The following TTBK2 variants were observed in gnomAD, a reference collection of about 807,000 sequenced individuals.
TTBK2 encodes the protein tau-tubulin kinase 2.
Under a neutral mutation model 110.8 loss-of-function variants are expected in TTBK2, and 28 were observed. That is an observed-to-expected ratio of 0.25 (90% CI 0.19 to 0.35). TTBK2 has a LOEUF of 0.35. Among genes scored for constraint, TTBK2 ranks in the 10% least tolerant of loss-of-function variants. The pLI is 1.00. For synonymous variants in TTBK2, 532 were observed against 527.3 expected, an observed-to-expected ratio of 1.01 and a Z score of -0.12; for missense variants, 1,369 against 1,500.3, an observed-to-expected ratio of 0.91 and a Z score of 1.45.
rs112227557 is a variant in TTBK2 at position 42,869,901 on chromosome 15, G to T, written c.217+2710C>A. 6.8e-4 allele frequency among the ~76,000 whole-genome samples: 103 copies of T among 152,292 alleles called. 1 individual carries two copies. Among genetic ancestry groups the T allele is most frequent in the Non-Finnish European group, 1.3e-3 (89 of 68,022 alleles). Reference sequence around the variant, plus strand: ...AGTAAAATTCAAGAGTCTTGGCCAGGTGTAGTGGCTCACACCTGTAATCCC... The same window carrying T: ...AGTAAAATTCAAGAGTCTTGGCCAGTTGTAGTGGCTCACACCTGTAATCCC... On this transcript the variant is annotated intron_variant, in intron 3 of 14. Coordinates refer to ENST00000267890, the MANE Select transcript of TTBK2 (RefSeq NM_173500.4).
At chr15:42,791,496 T>C (rs1595913700) in intron 10 of TTBK2, among the ~76,000 whole-genome samples, 1 of 90,816 alleles carries the variant, frequency 1.1e-5, no homozygotes, top group African/African-American at 6.6e-5. Flanking sequence ...TCAGGGTTTT[T>C]TCTTTGTCCT....
At chr15:42,861,649 C>A (rs1419836081) in intron 3 of TTBK2, among the ~76,000 whole-genome samples, 1 of 151,024 alleles carries the variant, frequency 6.6e-6, no homozygotes, top group Admixed American at 6.6e-5. Context: ...TCAGAAAGAT[C>A]TAAAATTAAC....
chr15:42,843,799 A>G (rs974935899), intron 3 of TTBK2, among the ~76,000 whole-genome samples: 2 of 151,384 alleles, frequency 1.3e-5, no homozygotes, highest in African/African-American at 4.9e-5. Flanking sequence ...TAACTTCTCA[A>G]TTGCCCCTAC....
At chr15:42,790,137 G>A (rs1028689617) in intron 10 of TTBK2, among the ~76,000 whole-genome samples, 1 of 152,088 alleles carries the variant, frequency 6.6e-6, no homozygotes, top group African/African-American at 2.4e-5. Context: ...AACTAAAAAT[G>A]TATAAAAGAC....
chr15:42,747,693 G>C (rs1333775130), intron 14 of TTBK2, among the ~76,000 whole-genome samples: 1 of 152,184 alleles, frequency 6.6e-6, no homozygotes, highest in African/African-American at 2.4e-5. Flanking sequence ...CTGCTATAAA[G>C]CAGTCTACAA....
intron 13 of TTBK2, among the ~76,000 whole-genome samples, chr15:42,754,867 G>A (rs1366275854): frequency 6.6e-6 from 1 of 150,628 alleles, no homozygotes; most frequent in Non-Finnish European, 1.5e-5. Flanking sequence ...AATAAACTGG[G>A]CGTGGTGGCA....
intron 13 of TTBK2, among the ~76,000 whole-genome samples, chr15:42,763,183 T>TAC (rs1889165799): frequency 4.0e-5 from 1 of 25,140 alleles, no homozygotes; most frequent in Non-Finnish European, 7.0e-5. Context: ...TATATATATA[T>TAC]ATATATATAT....
At chr15:42,893,010 C>CAAA (rs780103161) in intron 1 of TTBK2, among the ~76,000 whole-genome samples, 5 of 57,708 alleles carry the variant, frequency 8.7e-5, no homozygotes, top group South Asian at 6.3e-4. Context: ...GACTCTGTCT[C>CAAA]AAAAAAAAAA....
At chr15:42,866,305 G>GA (rs1894370879) in intron 3 of TTBK2, among the ~76,000 whole-genome samples, 1 of 151,914 alleles carries the variant, frequency 6.6e-6, no homozygotes, top group South Asian at 2.1e-4. Flanking sequence ...AATAATAAAA[G>GA]AAGAGTATTA....
At chr15:42,829,884 A>G in intron 5 of TTBK2, 54 bp downstream of exon 5, 1 of 1,603,780 alleles carries the variant, frequency 6.2e-7, no homozygotes, top group Non-Finnish European at 8.5e-7. Context: ...GTGTCCCATC[A>G]TAACATTAAA....
chr15:42,806,212 C>T (rs759050476), intron 9 of TTBK2, among the ~76,000 whole-genome samples: 1 of 151,784 alleles, frequency 6.6e-6, no homozygotes, highest in South Asian at 2.1e-4. Flanking sequence ...TGCAGTGAGC[C>T]GAGATCACAC....
At chr15:42,755,066 CT>C (rs1283221531) in intron 13 of TTBK2, among the ~76,000 whole-genome samples, 1 of 151,186 alleles carries the variant, frequency 6.6e-6, no homozygotes, top group Non-Finnish European at 1.5e-5. Flanking sequence ...ATCTACCCCC[CT>C]TCCACTGAGG....
intron 10 of TTBK2, among the ~76,000 whole-genome samples, chr15:42,790,083 G>C (rs1005025062): frequency 6.6e-6 from 1 of 151,990 alleles, no homozygotes; most frequent in Non-Finnish European, 1.5e-5. Flanking sequence ...GGATTTCCAC[G>C]TGCAAAGGAA....
chr15:42,889,432 T>TA (rs1895367757), intron 1 of TTBK2, among the ~76,000 whole-genome samples: 1 of 152,180 alleles, frequency 6.6e-6, no homozygotes, highest in Middle Eastern at 3.2e-3. Context: ...AACCGGCCTT[T>TA]ATTAGTCAAA....
chr15:42,748,007 G>A (rs752507011), intron 14 of TTBK2, among the ~76,000 whole-genome samples: 1 of 152,264 alleles, frequency 6.6e-6, no homozygotes, highest in Non-Finnish European at 1.5e-5. Flanking sequence ...TAGGGTTGAA[G>A]GACCTTCCTA....
intron 3 of TTBK2, among the ~76,000 whole-genome samples, chr15:42,865,552 C>A (rs990595477): frequency 6.7e-6 from 1 of 149,448 alleles, no homozygotes; most frequent in East Asian, 1.9e-4. Context: ...TGGGCACAGT[C>A]GTGCACACCC....
At chr15:42,768,849 G>C (rs1203444518) in intron 13 of TTBK2, among the ~76,000 whole-genome samples, 2 of 152,134 alleles carry the variant, frequency 1.3e-5, no homozygotes, top group Admixed American at 1.3e-4. Flanking sequence ...CATACTACCT[G>C]ACTTCAAACT....
At chr15:42,767,207 C>T (rs1889421578) in intron 13 of TTBK2, among the ~76,000 whole-genome samples, 1 of 152,092 alleles carries the variant, frequency 6.6e-6, no homozygotes. Flanking sequence ...GACACCCTAA[C>T]ATCACAATTA....
At chr15:42,870,181 A>AAAT (rs1286747541) in intron 3 of TTBK2, among the ~76,000 whole-genome samples, 3 of 152,142 alleles carry the variant, frequency 2.0e-5, no homozygotes, top group East Asian at 3.9e-4. Context: ...CACAAAAAAA[A>AAAT]AATAATAATA....
Sources: allele counts gnomAD v4.1 joint callset (sites outside exome capture counted in the v4.1 genomes callset), GRCh38; gene constraint gnomAD v4.1.1; transcripts MANE v1.5; gene names NCBI Gene and HGNC (gene_info 2026-07-23, HGNC 2026-07-21).